Variants in SYNE2 observed in about 807,000 individuals in gnomAD.
The protein encoded by SYNE2 is spectrin repeat containing nuclear envelope protein 2.
SYNE2 carries 431 observed loss-of-function variants against 856.3 expected under a neutral mutation model. The observed-to-expected ratio is 0.50, with a 90% CI of 0.47 to 0.55. SYNE2 has a LOEUF of 0.55. Ranked by LOEUF, SYNE2 falls within the 20% of genes least tolerant of loss-of-function variation. The pLI is 0.00. For synonymous variants in SYNE2, 2,923 were observed against 2,872.3 expected (o/e 1.02, Z -0.56); for missense variants, 8,129 against 8,023.2 (o/e 1.01, Z -0.50).
intron 65 of SYNE2, chr14:64,113,036 A>G (rs975623793): frequency 1.2e-5 from 12 of 985,114 alleles, no homozygotes; most frequent in Non-Finnish European, 1.4e-5. Flanking sequence ...ACACACACAC[A>G]CCCTGTCACT....
chr14:64,092,905 C>T (rs2097639058), intron 60 of SYNE2, among the ~76,000 whole-genome samples: 1 of 152,216 alleles, frequency 6.6e-6, no homozygotes, highest in South Asian at 2.1e-4. Flanking sequence ...ACTGACCTCA[C>T]ATGCTCTGTT....
intron 1 of SYNE2, among the ~76,000 whole-genome samples, chr14:63,868,729 C>T (rs4899120): frequency 0.11 from 16,774 of 151,552 alleles, 1,067 homozygotes; most frequent in African/African-American, 0.17. Flanking sequence ...TGCATGTGTG[C>T]GTGTGTGTGT....
chr14:63,993,784 G>T, intron 21 of SYNE2, 51 bp from the exon 22 acceptor site: 1 of 1,533,802 alleles, frequency 6.5e-7, no homozygotes. Flanking sequence ...TGAGGATTTG[G>T]CAGTAGAATG....
intron 1 of SYNE2, among the ~76,000 whole-genome samples, chr14:63,824,287 A>C (rs1463193057): frequency 6.6e-6 from 1 of 151,658 alleles, no homozygotes; most frequent in Non-Finnish European, 1.5e-5. Flanking sequence ...TCAAGGCTAC[A>C]GTGAGCTGTG....
intron 17 of SYNE2, among the ~76,000 whole-genome samples, chr14:63,983,299 C>T (rs754065713): frequency 6.6e-6 from 1 of 152,146 alleles, no homozygotes; most frequent in African/African-American, 2.4e-5. Flanking sequence ...CATATGGACA[C>T]ATGTTTTCTT....
Position 64,220,291 on chromosome 14 carries a change from C to G in SYNE2, c.19861-146C>G. 4.3e-6 allele frequency: 4 copies of G among 922,392 alleles called. No individual in the cohort carries two copies. The South Asian group carries it at 4.4e-5, about 10-fold the overall frequency. The allele number at this position is 922,392 out of a possible 1,614,324, so 57.1% of individuals were successfully genotyped here. On this transcript the variant is annotated intron_variant, in intron 110 of 115. Coordinates refer to ENST00000555002, the MANE Select transcript of SYNE2 (RefSeq NM_182914.3). The stretch of plus-strand genomic sequence containing the variant: ...AGGCAGCTCCCTCACCTGATGCTTT[C>G]CAGCCAGTCCCAGGCGAGGTCACTC...
At position 64,126,343 on chromosome 14, in the gene SYNE2, A is replaced by C. The variant is rs755305315; in HGVS notation, c.13571A>C (p.Glu4524Ala). 2.8e-5 allele frequency: 45 copies of C among 1,613,808 alleles called. No individual in the cohort carries two copies. The highest frequency in any genetic ancestry group is 4.5e-5 in the East Asian group (2 of 44,900). Residue 4524 changes from glutamate (E) to alanine (A), a missense_variant, in exon 72 of 116, where the codon GAA (glutamate) becomes GCA (alanine). Glu to Ala is a moderately radical substitution (Grantham distance 107). Transcript: ENST00000555002. ...TTGATTCAGGAAAATATGACAGAAG[A>C]AGCATATATCAATTTGGATAAAAAA... ...NLQTQENMTE[E>A]AYINLDKKLF...
intron 1 of SYNE2, among the ~76,000 whole-genome samples, chr14:63,833,625 G>A (rs538544776): frequency 6.6e-6 from 1 of 152,234 alleles, no homozygotes; most frequent in East Asian, 1.9e-4. Flanking sequence ...TTTGGAAGTA[G>A]CATGTGTCTA....
chr14:64,014,974 T>TACACACACACAC (rs1162341254), intron 32 of SYNE2, among the ~76,000 whole-genome samples: 38 of 84,866 alleles, frequency 4.5e-4, no homozygotes, highest in African/African-American at 1.6e-3. Context: ...TATATATATA[T>TACACACACACAC]ACACACACAC....
chr14:64,055,762 A>G (rs1324669795), intron 48 of SYNE2, among the ~76,000 whole-genome samples, 182 bp from the exon 49 acceptor site: 1 of 152,182 alleles, frequency 6.6e-6, no homozygotes. Flanking sequence ...TATAAGACTC[A>G]GAGACATGTA....
At chr14:64,042,140 T>G (rs2097153590) in intron 45 of SYNE2, among the ~76,000 whole-genome samples, 1 of 152,184 alleles carries the variant, frequency 6.6e-6, no homozygotes, top group Non-Finnish European at 1.5e-5. Flanking sequence ...TTTTCATTCA[T>G]TCAGTATAAT....
chr14:64,153,177 TACA>T lies in SYNE2; in HGVS notation c.15792+462_15792+464del, dbSNP rs567735233. Among the ~76,000 whole-genome samples the T allele has an allele frequency of 1.9e-4, 29 of 152,296 alleles. 1 individual carries two copies. In the South Asian group the frequency reaches 5.6e-3, roughly 29 times the overall value. On this transcript the variant is annotated intron_variant, in intron 85 of 115. Transcript: ENST00000555002. ...GGACTCTAAAGTTTGGAAGAAACAC[TACA>T]TGGTGTTGAAGAGAGAGTATAAAGG...
chr14:64,083,285 CAA>C (rs1227753961), intron 57 of SYNE2, among the ~76,000 whole-genome samples: 1 of 151,742 alleles, frequency 6.6e-6, no homozygotes, highest in Non-Finnish European at 1.5e-5. Context: ...TCCACATCCC[CAA>C]AGTTTGTCAT....
In SYNE2 at chr14:63,802,739, G is replaced by A. The variant is rs111257205; in HGVS notation, c.-305+40753G>A. ...TCCCTTCTGATGTTCAGATGTGTTC[G>A]GAGTTTCTTCCTTATGGTGGGTTCG... On this transcript the variant is annotated intron_variant, in intron 1 of 23. Coordinates refer to the SYNE2 transcript ENST00000674003. 1.3e-3 allele frequency among the ~76,000 whole-genome samples: 191 copies of A among 152,156 alleles called. 2 individuals are homozygous for A. Among genetic ancestry groups the A allele is most frequent in the African/African-American group, 4.4e-3 (181 of 41,512 alleles).
chr14:63,976,079 G>A (rs1447306569), intron 11 of SYNE2, among the ~76,000 whole-genome samples: 1 of 152,206 alleles, frequency 6.6e-6, no homozygotes, highest in African/African-American at 2.4e-5. Flanking sequence ...GGGATGGGTG[G>A]TGCTTTCGTG....
intron 109 of SYNE2, 96 bp downstream of exon 109, chr14:64,218,608 A>G: frequency 8.2e-7 from 1 of 1,217,802 alleles, no homozygotes; most frequent in African/African-American, 1.5e-5. Context: ...CAACTATACG[A>G]TTCGCCAGAA....
chr14:63,976,684 C>G lies in SYNE2; in HGVS notation c.1250C>G (p.Ser417Cys), dbSNP rs771550513. The G allele has an allele frequency of 1.2e-6, 2 of 1,612,586 alleles. No individual in the cohort carries two copies. The highest frequency in any genetic ancestry group is 2.2e-5 in the South Asian group (2 of 91,026). Residue 417 changes from serine to cysteine, a missense_variant, in exon 12 of 116, where the codon TCT becomes TGT. Transcript: ENST00000555002. ...GATTTGTCAGCCTCCCAGGATCACT[C>G]TCAAGCCGTGACTCTGATACAAGAG... is the stretch of plus-strand genomic sequence containing the variant. ...DEDLSASQDH[S>C]QAVTLIQEKM...
chr14:63,862,312 C>T (rs533637527), intron 1 of SYNE2, among the ~76,000 whole-genome samples: 33 of 152,302 alleles, frequency 2.2e-4, no homozygotes, highest in African/African-American at 6.5e-4. Flanking sequence ...GGCGAAGTCT[C>T]GCTCTGTCAC....
At chr14:63,815,107 C>CCATATATATGCACATATATATCCACAT (rs1888877521) in intron 1 of SYNE2, among the ~76,000 whole-genome samples, 2 of 108,666 alleles carry the variant, frequency 1.8e-5, no homozygotes, top group Non-Finnish European at 3.9e-5. Context: ...TATATCCACA[C>CCATATATATGCACATATATATCCACAT]ATATATCCAT....
Sources: allele counts gnomAD v4.1 joint callset (sites outside exome capture counted in the v4.1 genomes callset), GRCh38; gene constraint gnomAD v4.1.1; transcripts MANE v1.5; gene names NCBI Gene and HGNC (gene_info 2026-07-23, HGNC 2026-07-21).